RIPOR2: variants seen among roughly 807,000 people sequenced by gnomAD.
RIPOR2 encodes the protein rho family-interacting cell polarization regulator 2.
In RIPOR2, 39 loss-of-function variants were observed where a neutral mutation model predicts 114.5. The ratio of observed to expected loss-of-function variants is 0.34; its 90% CI spans 0.26 to 0.44. The LOEUF (loss-of-function observed/expected upper bound fraction) is 0.44. Among genes scored for constraint, RIPOR2 ranks in the 20% least tolerant of loss-of-function variants. RIPOR2 has a pLI of 1.00. For missense variants in RIPOR2, 1,007 were observed against 1,255.1 expected (o/e 0.80, Z 2.99); for synonymous variants, 445 against 484.4 (o/e 0.92, Z 1.07).
intron 1 of RIPOR2, among the ~76,000 whole-genome samples, chr6:24,912,638 C>A (rs1237211318): frequency 6.6e-6 from 1 of 152,132 alleles, no homozygotes; most frequent in Non-Finnish European, 1.5e-5. Flanking sequence ...TACAAATATG[C>A]AGTAGAAGTT....
intron 14 of RIPOR2, among the ~76,000 whole-genome samples, chr6:24,836,390 G>A (rs527808012): frequency 1.3e-5 from 2 of 152,136 alleles, no homozygotes; most frequent in Non-Finnish European, 1.5e-5. Context: ...AGTTAAAAAG[G>A]GTGTTTGAAT....
chr6:24,982,339 T>C (rs1774331093), intron 1 of RIPOR2, among the ~76,000 whole-genome samples: 1 of 152,246 alleles, frequency 6.6e-6, no homozygotes, highest in Non-Finnish European at 1.5e-5. Flanking sequence ...CTGCTGTCTA[T>C]TCAAACAAAA....
At chr6:24,905,820 C>A (rs763160370) in intron 1 of RIPOR2, among the ~76,000 whole-genome samples, 6 of 152,176 alleles carry the variant, frequency 3.9e-5, no homozygotes, top group Non-Finnish European at 8.8e-5. Context: ...AGGTACTCTC[C>A]CCACTTTCCT....
At chr6:24,832,079 C>T (rs1287813598) in intron 16 of RIPOR2, among the ~76,000 whole-genome samples, 177 bp downstream of exon 16, 1 of 152,192 alleles carries the variant, frequency 6.6e-6, no homozygotes, top group East Asian at 1.9e-4. Flanking sequence ...GCTGCTTTGA[C>T]TCAGAAAGCC....
chr6:24,909,760 C>T (rs952039941), intron 1 of RIPOR2, among the ~76,000 whole-genome samples: 3 of 152,112 alleles, frequency 2.0e-5, no homozygotes, highest in Non-Finnish European at 2.9e-5. Context: ...TATATTTTAT[C>T]ATAACTGTTT....
upstream of RIPOR2, among the ~76,000 whole-genome samples, chr6:24,936,684 CTG>C (rs760293990): frequency 6.6e-6 from 1 of 152,150 alleles, no homozygotes; most frequent in Non-Finnish European, 1.5e-5. Flanking sequence ...TGAGTGAACA[CTG>C]AGCTTCTACG....
chr6:24,954,771 C>T (rs376073458), intron 1 of RIPOR2, among the ~76,000 whole-genome samples: 1 of 152,062 alleles, frequency 6.6e-6, no homozygotes, highest in Non-Finnish European at 1.5e-5. Flanking sequence ...TTAATAGTGG[C>T]TTCTCATGGC....
intron 11 of RIPOR2, 87 bp from the exon 12 acceptor site, chr6:24,848,241 A>G (rs1762518163): frequency 1.5e-6 from 2 of 1,370,140 alleles, no homozygotes; most frequent in Non-Finnish European, 2.0e-6. Context: ...ACCTCATTAT[A>G]TAAAGGTAAA....
intron 1 of RIPOR2, among the ~76,000 whole-genome samples, chr6:24,912,378 C>G (rs536097771): frequency 6.6e-6 from 1 of 152,258 alleles, no homozygotes; most frequent in Admixed American, 6.5e-5. Context: ...ATAGCTTTTG[C>G]TCATTTCCAA....
At chr6:25,026,429 C>A (rs551048714) in intron 1 of RIPOR2, among the ~76,000 whole-genome samples, 1 of 151,998 alleles carries the variant, frequency 6.6e-6, no homozygotes, top group African/African-American at 2.4e-5. Context: ...TAAAGGACTG[C>A]GAAGGGCGGA....
At chr6:24,982,455 A>T (rs1003527753) in intron 1 of RIPOR2, among the ~76,000 whole-genome samples, 1 of 152,202 alleles carries the variant, frequency 6.6e-6, no homozygotes, top group African/African-American at 2.4e-5. Context: ...CTATTGCCCT[A>T]GTAAGATTCA....
chr6:24,874,073 C>G (rs1765478121), intron 2 of RIPOR2, among the ~76,000 whole-genome samples: 1 of 152,080 alleles, frequency 6.6e-6, no homozygotes, highest in Admixed American at 6.6e-5. Context: ...GTTTGGTGCC[C>G]AGGGCAAAGT....
rs528087735 is a variant in RIPOR2, at chr6:24,861,087, C to T, written c.652-51G>A. The T allele has an allele frequency of 7.0e-5, 92 of 1,316,122 alleles. No homozygotes were observed. In the Middle Eastern group the frequency reaches 2.0e-3, roughly 29 times the overall value. The allele number at this position is 1,316,122 out of a possible 1,614,324, so 81.5% of individuals were successfully genotyped here. A position where few individuals can be genotyped will look rare whatever the true frequency, so the allele number is the denominator to read the frequency against. On this transcript the variant is annotated intron_variant, in intron 7 of 21. Transcript: ENST00000643898. ...TGAGAGCTAGCCTTTCACCCAACAG[C>T]TCAAAGCACACGACGTTCGAACAGC...
chr6:25,001,174 G>T (rs1775297743), intron 1 of RIPOR2, among the ~76,000 whole-genome samples: 1 of 152,134 alleles, frequency 6.6e-6, no homozygotes, highest in African/African-American at 2.4e-5. Context: ...TTGCATATGT[G>T]TATGTATACC....
At chr6:24,928,879 C>G (rs1771164678) in intron 1 of RIPOR2, among the ~76,000 whole-genome samples, 1 of 152,172 alleles carries the variant, frequency 6.6e-6, no homozygotes. Flanking sequence ...CTCTCTTCCT[C>G]AGTTTGGAAA....
At chr6:24,997,286 A>C (rs1012932557) in intron 1 of RIPOR2, among the ~76,000 whole-genome samples, 2 of 150,552 alleles carry the variant, frequency 1.3e-5, no homozygotes, top group Admixed American at 6.6e-5. Context: ...AATTTAAAAA[A>C]CCTTTTCCTG....
At chr6:24,965,213 CT>C (rs1453584562) in intron 1 of RIPOR2, among the ~76,000 whole-genome samples, 4 of 151,962 alleles carry the variant, frequency 2.6e-5, no homozygotes, top group Non-Finnish European at 5.9e-5. Flanking sequence ...GGTACAATTA[CT>C]GCAGCCTCCA....
Position 24,848,492 on chromosome 6 carries a change from A to G in RIPOR2, c.1035-338T>C, listed in dbSNP as rs556285249. On this transcript the variant is annotated intron_variant, in intron 11 of 21. Transcript: ENST00000643898. Reference sequence around the variant, plus strand: ...AAAACAAGATGTTGAAAAGTCTATAAAAATTATCTGAACTTTGCGGGGCTA... The same window carrying G: ...AAAACAAGATGTTGAAAAGTCTATAGAAATTATCTGAACTTTGCGGGGCTA... Among the ~76,000 whole-genome samples, 3 of 152,332 alleles carry G rather than the reference A, an allele frequency of 2.0e-5. No individual in the cohort carries two copies. The South Asian group carries it at 6.2e-4, about 32-fold the overall frequency.
intron 1 of RIPOR2, among the ~76,000 whole-genome samples, chr6:25,019,406 C>T (rs765578807): frequency 6.6e-6 from 1 of 152,080 alleles, no homozygotes; most frequent in African/African-American, 2.4e-5. Flanking sequence ...CATAAAGCAG[C>T]CTTTTCTATG....
Sources: gnomAD v4.1 joint callset for allele counts (sites outside exome capture counted in the v4.1 genomes callset) on GRCh38, gnomAD v4.1.1 for gene constraint, MANE v1.5 for transcripts, NCBI Gene and HGNC (gene_info 2026-07-23, HGNC 2026-07-21) for gene names.